DSCAM: variants seen among roughly 807,000 people sequenced by gnomAD.
The protein encoded by DSCAM is cell adhesion molecule DSCAM.
A neutral mutation model predicts 217.7 loss-of-function variants in DSCAM; 47 were observed. That is an observed-to-expected ratio of 0.22 (90% CI 0.17 to 0.28). The LOEUF (loss-of-function observed/expected upper bound fraction) is 0.28, where lower values mean the gene tolerates loss of function less well. Among genes scored for constraint, DSCAM ranks in the 10% least tolerant of loss-of-function variants. The probability of loss-of-function intolerance (pLI) is 1.00; values close to 1 mark genes in which losing one functional copy is unlikely to be tolerated. For synonymous variants in DSCAM, 1,056 were observed against 1,015.3 expected (o/e 1.04, Z -0.76); for missense variants, 2,080 against 2,618.3 (o/e 0.79, Z 4.49).
chr21:40,155,887 C>T (rs1053412036), intron 16 of DSCAM, among the ~76,000 whole-genome samples: 16 of 151,906 alleles, frequency 1.1e-4, no homozygotes, highest in South Asian at 2.1e-4. Flanking sequence ...TTCCTTGGAA[C>T]GAAACAGGCC....
At chr21:40,400,918 T>C (rs1389681932) in intron 3 of DSCAM, among the ~76,000 whole-genome samples, 2 of 152,230 alleles carry the variant, frequency 1.3e-5, no homozygotes, top group Non-Finnish European at 2.9e-5. Flanking sequence ...CACTAAAAAA[T>C]CATATTTGTT....
Position 40,102,994 on chromosome 21 carries a change from T to C in DSCAM, c.3697-9120A>G, listed in dbSNP as rs2089774018. ...CTGCAGGGAACCTGGTTCAGAGCAT[T>C]GCTTAGAGCTGGGACTCAATGACCA... On this transcript the variant is annotated intron_variant, in intron 20 of 32. Transcript: ENST00000400454. Among the ~76,000 whole-genome samples the C allele has an allele frequency of 2.0e-5, 3 of 152,312 alleles. 1 individual carries two copies. The South Asian group carries it at 6.2e-4, about 32-fold the overall frequency.
In DSCAM at chr21:40,721,913, C is replaced by T. The variant is rs142848272; in HGVS notation, c.44-13142G>A. 3.8e-4 allele frequency among the ~76,000 whole-genome samples: 57 copies of T among 151,668 alleles called. 1 individual carries two copies. The East Asian group carries it at 0.01, about 27-fold the overall frequency. On this transcript the variant is annotated intron_variant, in intron 1 of 32. Transcript: ENST00000400454. ...CATAAAGAAAAAAACTTAAAGGCAACCAGATTAAAAAATAAATACATGTTA... is the reference window on the plus strand; with the variant it reads ...CATAAAGAAAAAAACTTAAAGGCAATCAGATTAAAAAATAAATACATGTTA...
intron 32 of DSCAM, among the ~76,000 whole-genome samples, chr21:40,036,727 A>G (rs1174781317): frequency 1.4e-5 from 2 of 145,430 alleles, no homozygotes; most frequent in Non-Finnish European, 1.5e-5. Context: ...AGAGAATTTT[A>G]GACCAATATC....
intron 3 of DSCAM, among the ~76,000 whole-genome samples, chr21:40,515,004 A>C (rs2076288720): frequency 6.6e-6 from 1 of 152,210 alleles, no homozygotes; most frequent in African/African-American, 2.4e-5. Flanking sequence ...TCAGAAGCGA[A>C]GTTAAGAAAA....
chr21:40,095,244 T>A (rs2089661618), intron 20 of DSCAM, among the ~76,000 whole-genome samples: 1 of 152,186 alleles, frequency 6.6e-6, no homozygotes, highest in Non-Finnish European at 1.5e-5. Flanking sequence ...ACTGCCCTCA[T>A]GATTCAATTA....
intron 20 of DSCAM, among the ~76,000 whole-genome samples, chr21:40,101,857 G>T (rs1033751713): frequency 6.6e-6 from 1 of 152,078 alleles, no homozygotes; most frequent in African/African-American, 2.4e-5. Flanking sequence ...GTTGGCGAGA[G>T]TTATAGGACC....
At chr21:40,475,111 C>T (rs1021330399) in intron 3 of DSCAM, among the ~76,000 whole-genome samples, 3 of 152,234 alleles carry the variant, frequency 2.0e-5, no homozygotes, top group Non-Finnish European at 4.4e-5. Context: ...CAAGATGCTC[C>T]ACCCTCCTCC....
intron 3 of DSCAM, among the ~76,000 whole-genome samples, chr21:40,385,744 CCT>C (rs1349764814): frequency 2.0e-5 from 3 of 152,258 alleles, no homozygotes; most frequent in South Asian, 2.1e-4. Context: ...TTCTCGTCCC[CCT>C]CTGACAGCTC....
chr21:40,239,623 A>G (rs1182545281), intron 11 of DSCAM, among the ~76,000 whole-genome samples: 48 of 152,340 alleles, frequency 3.2e-4, no homozygotes, highest in Non-Finnish European at 1.5e-5. Flanking sequence ...GTAATTGAAC[A>G]TAAGTGCCTA....
intron 1 of DSCAM, among the ~76,000 whole-genome samples, chr21:40,828,886 G>A (rs529105671): frequency 8.5e-5 from 13 of 152,242 alleles, no homozygotes; most frequent in Admixed American, 2.0e-4. Context: ...TCAAACTCCT[G>A]ACCTCAGGTG....
chr21:40,116,134 C>T (rs542364759), intron 20 of DSCAM, among the ~76,000 whole-genome samples: 1 of 152,060 alleles, frequency 6.6e-6, no homozygotes, highest in Non-Finnish European at 1.5e-5. Flanking sequence ...GGGAACAACA[C>T]ACAACACAAC....
chr21:40,108,815 G>A (rs1350416374), intron 20 of DSCAM, among the ~76,000 whole-genome samples: 1 of 152,066 alleles, frequency 6.6e-6, no homozygotes, highest in African/African-American at 2.4e-5. Flanking sequence ...TAGACCAATG[G>A]AACAGAATAA....
intron 3 of DSCAM, among the ~76,000 whole-genome samples, chr21:40,428,021 G>C (rs2075492112): frequency 6.6e-6 from 1 of 152,192 alleles, no homozygotes; most frequent in African/African-American, 2.4e-5. Flanking sequence ...CGCTCTGGGA[G>C]AGCTCCATCT....
intron 31 of DSCAM, 34 bp downstream of exon 31, chr21:40,044,044 C>A (rs201605543): frequency 6.2e-7 from 1 of 1,610,452 alleles, no homozygotes; most frequent in South Asian, 1.1e-5. Context: ...CCGTGCTGGT[C>A]CCCAGGGACG....
chr21:40,777,472 T>G (rs553745901), intron 1 of DSCAM, among the ~76,000 whole-genome samples: 1 of 152,302 alleles, frequency 6.6e-6, no homozygotes, highest in East Asian at 1.9e-4. Context: ...AAGGAATGCT[T>G]GCATCATGAA....
At chr21:40,636,356 G>A (rs1167608787) in intron 3 of DSCAM, among the ~76,000 whole-genome samples, 3 of 151,664 alleles carry the variant, frequency 2.0e-5, no homozygotes, top group South Asian at 2.1e-4. Context: ...TCAACCAAGA[G>A]GTTAAATATT....
intron 3 of DSCAM, among the ~76,000 whole-genome samples, chr21:40,437,376 A>G (rs1190596208): frequency 6.6e-6 from 1 of 152,230 alleles, no homozygotes; most frequent in Non-Finnish European, 1.5e-5. Context: ...TACTAATAAT[A>G]GTAATAACAA....
At chr21:40,686,595 CA>C (rs1175733142) in intron 3 of DSCAM, among the ~76,000 whole-genome samples, 1 of 152,084 alleles carries the variant, frequency 6.6e-6, no homozygotes, top group East Asian at 1.9e-4. Flanking sequence ...TTTGGTAGTT[CA>C]AAAGTCAAAA....
Sources: gnomAD v4.1 joint callset for allele counts (sites outside exome capture counted in the v4.1 genomes callset) on GRCh38, gnomAD v4.1.1 for gene constraint, MANE v1.5 for transcripts, NCBI Gene and HGNC (gene_info 2026-07-23, HGNC 2026-07-21) for gene names.